Variants in DNAJC6 observed in about 807,000 individuals in gnomAD.
DNAJC6 encodes DnaJ heat shock protein family (Hsp40) member C6.
In DNAJC6, 34 loss-of-function variants were observed where a neutral mutation model predicts 110.0. The observed-to-expected ratio is 0.31, with a 90% confidence interval of 0.24 to 0.41. The LOEUF is 0.41. Among genes scored for constraint, DNAJC6 ranks in the 10% least tolerant of loss-of-function variants. The pLI, the probability that DNAJC6 is intolerant of heterozygous loss-of-function variation, is 1.00. For synonymous variants in DNAJC6, 406 were observed against 437.2 expected (o/e 0.93, Z 0.89); for missense variants, 1,031 against 1,207.8 (o/e 0.85, Z 2.17).
chr1:65,281,704 G>T (rs940664646), intron 1 of DNAJC6, among the ~76,000 whole-genome samples: 1 of 151,906 alleles, frequency 6.6e-6, no homozygotes, highest in African/African-American at 2.4e-5. Context: ...CACCTCCTGC[G>T]TTCACACCAT....
At chr1:65,337,054 T>C (rs1318819326) in intron 1 of DNAJC6, among the ~76,000 whole-genome samples, 1 of 151,774 alleles carries the variant, frequency 6.6e-6, no homozygotes, top group East Asian at 1.9e-4. Flanking sequence ...ACTGTAGATT[T>C]TCCCCAAGTC....
At chr1:65,310,168 C>G (rs1383281016) in intron 1 of DNAJC6, among the ~76,000 whole-genome samples, 1 of 151,318 alleles carries the variant, frequency 6.6e-6, no homozygotes, top group African/African-American at 2.4e-5. Flanking sequence ...GCGAGCTCCT[C>G]CTAATCTCTC....
intron 1 of DNAJC6, among the ~76,000 whole-genome samples, chr1:65,326,751 C>T (rs1645245081): frequency 6.6e-6 from 1 of 152,224 alleles, no homozygotes; most frequent in Non-Finnish European, 1.5e-5. Flanking sequence ...TCTCTGTGTA[C>T]ATGGCTTCCT....
At chr1:65,283,127 TC>T (rs1480090606) in intron 1 of DNAJC6, among the ~76,000 whole-genome samples, 1 of 152,188 alleles carries the variant, frequency 6.6e-6, no homozygotes, top group Non-Finnish European at 1.5e-5. Context: ...ATTTGCACAA[TC>T]CATAGAACTT....
intron 1 of DNAJC6, among the ~76,000 whole-genome samples, chr1:65,318,935 G>A (rs1334701207): frequency 6.6e-6 from 1 of 152,206 alleles, no homozygotes; most frequent in Non-Finnish European, 1.5e-5. Context: ...AGGAAGGGGA[G>A]GGGTGTGTTG....
In DNAJC6 at chr1:65,354,185, G is replaced by T. The variant is rs185366838; in HGVS notation, c.194-10450G>T. Among the ~76,000 whole-genome samples, 26 of 152,264 alleles carry T rather than the reference G, an allele frequency of 1.7e-4. No individual in the cohort carries two copies. In the East Asian group the frequency reaches 5.0e-3, roughly 29 times the overall value. Reference sequence around the variant, plus strand: ...TTATAATGCAAGCTGACTGCTCTGAGTCCTAGGATGGAGGAACAGAATGAG... The same window carrying T: ...TTATAATGCAAGCTGACTGCTCTGATTCCTAGGATGGAGGAACAGAATGAG... On this transcript the variant is annotated intron_variant, in intron 1 of 18. Coordinates refer to ENST00000371069, the MANE Select transcript of DNAJC6 (RefSeq NM_001256864.2).
chr1:65,409,949 C>A (rs1347286574), intron 17 of DNAJC6, among the ~76,000 whole-genome samples: 1 of 151,880 alleles, frequency 6.6e-6, no homozygotes, highest in Non-Finnish European at 1.5e-5. Context: ...TGAAAAAAAA[C>A]CACATAACTT....
Position 65,345,458 on chromosome 1 carries a change from A to G in DNAJC6, c.194-19177A>G, listed in dbSNP as rs575043542. On this transcript the variant is annotated intron_variant, in intron 1 of 18. Transcript: ENST00000371069. Reference sequence around the variant, plus strand: ...TACAGTTGAGAAAACTGAGGCTTAGAGAGATTTACTAGTTTGCCTGCTGTT... The same window carrying G: ...TACAGTTGAGAAAACTGAGGCTTAGGGAGATTTACTAGTTTGCCTGCTGTT... Among the ~76,000 whole-genome samples, 22 of 152,266 alleles carry G rather than the reference A, an allele frequency of 1.4e-4. 1 individual carries two copies. Among genetic ancestry groups the G allele is most frequent in the Middle Eastern group, 3.4e-3 (1 of 294 alleles).
chr1:65,385,425 A>G (rs1645861854), intron 6 of DNAJC6, among the ~76,000 whole-genome samples: 1 of 152,210 alleles, frequency 6.6e-6, no homozygotes, highest in Non-Finnish European at 1.5e-5. Context: ...CTGCTAGATA[A>G]AATAGGAATA....
At chr1:65,354,452 G>A (rs1356838823) in intron 1 of DNAJC6, among the ~76,000 whole-genome samples, 1 of 152,192 alleles carries the variant, frequency 6.6e-6, no homozygotes, top group East Asian at 1.9e-4. Context: ...CTAGCCTAGA[G>A]TACATGTTTA....
Position 65,270,880 on chromosome 1 carries a change from T to C in DNAJC6, c.-131+5948T>C, listed in dbSNP as rs984219659. On this transcript the variant is annotated intron_variant, in intron 1 of 19. Coordinates refer to the DNAJC6 transcript ENST00000263441. Reference sequence around the variant, plus strand: ...TTTTAGTAGAGTCAGGGTTTCACCATGTTGGCCAGGCTGGTCACCAACTCC... The same window carrying C: ...TTTTAGTAGAGTCAGGGTTTCACCACGTTGGCCAGGCTGGTCACCAACTCC... Among the ~76,000 whole-genome samples, 17 of 152,280 alleles carry C rather than the reference T, an allele frequency of 1.1e-4. 1 individual carries two copies. In the Middle Eastern group the frequency reaches 0.01, roughly 91 times the overall value.
At chr1:65,318,487 T>C (rs1370524868) in intron 1 of DNAJC6, among the ~76,000 whole-genome samples, 3 of 152,208 alleles carry the variant, frequency 2.0e-5, no homozygotes, top group African/African-American at 7.2e-5. Context: ...GCATCAGATG[T>C]ACCTGAGTAA....
At chr1:65,343,013 C>T (rs1645403921) in intron 1 of DNAJC6, among the ~76,000 whole-genome samples, 1 of 152,150 alleles carries the variant, frequency 6.6e-6, no homozygotes, top group African/African-American at 2.4e-5. Flanking sequence ...TTCTAAATTT[C>T]TTTATCTACT....
chr1:65,278,070 T>C (rs911384040), intron 1 of DNAJC6, among the ~76,000 whole-genome samples: 1 of 152,200 alleles, frequency 6.6e-6, no homozygotes, highest in Non-Finnish European at 1.5e-5. Flanking sequence ...TAGAAAAAGG[T>C]GGGTACTTGG....
rs189592677 is a variant in DNAJC6, at chr1:65,266,158, A to C, written c.-131+1226A>C. Among the ~76,000 whole-genome samples, 10 of 152,266 alleles carry C rather than the reference A, an allele frequency of 6.6e-5. No homozygotes were observed. The East Asian group carries it at 1.9e-3, about 29-fold the overall frequency. On this transcript the variant is annotated intron_variant, in intron 1 of 19. Transcript: ENST00000263441. Reference sequence around the variant, plus strand: ...GCAGGCCCCAAAGCTCTCTGCGCGCAGCGCCGCGGGGCTTGGCCTTCTCCA... The same window carrying C: ...GCAGGCCCCAAAGCTCTCTGCGCGCCGCGCCGCGGGGCTTGGCCTTCTCCA...
intron 1 of DNAJC6, among the ~76,000 whole-genome samples, chr1:65,284,263 A>G (rs12095689): frequency 0.012 from 1,800 of 152,194 alleles, 44 homozygotes; most frequent in African/African-American, 0.04. Context: ...TCTCAACAAG[A>G]GTGAGACTGT....
chr1:65,319,508 A>G (rs1020382239), intron 1 of DNAJC6, among the ~76,000 whole-genome samples: 3 of 152,146 alleles, frequency 2.0e-5, no homozygotes, highest in Admixed American at 6.5e-5. Context: ...TCACTGGGAG[A>G]GCCCTAGACT....
chr1:65,383,675 G>A (rs1187922844), intron 5 of DNAJC6, among the ~76,000 whole-genome samples: 2 of 152,166 alleles, frequency 1.3e-5, no homozygotes, highest in African/African-American at 4.8e-5. Context: ...TTGGGGTTAG[G>A]ATTTCAGCAT....
At chr1:65,374,097 G>A (rs147534208) in intron 4 of DNAJC6, among the ~76,000 whole-genome samples, 9 of 152,212 alleles carry the variant, frequency 5.9e-5, no homozygotes, top group Non-Finnish European at 7.4e-5. Context: ...TGGTAAATGC[G>A]TGGACTTATA....
Sources: gnomAD v4.1 joint callset for allele counts (sites outside exome capture counted in the v4.1 genomes callset) on GRCh38, gnomAD v4.1.1 for gene constraint, MANE v1.5 for transcripts, NCBI Gene and HGNC (gene_info 2026-07-23, HGNC 2026-07-21) for gene names.